Variants in SLC9A9 observed in about 807,000 individuals in gnomAD.
SLC9A9 encodes solute carrier family 9 member A9, also known as sodium/hydrogen exchanger 9.
In SLC9A9, 62 loss-of-function variants were observed where a neutral mutation model predicts 77.8. That is an observed-to-expected ratio of 0.80 (90% CI 0.65 to 0.98). SLC9A9 has a LOEUF of 0.98. Among genes scored for constraint, SLC9A9 ranks in the 50% least tolerant of loss-of-function variants. The probability of loss-of-function intolerance (pLI) is 0.00; values close to 1 mark genes in which losing one functional copy is unlikely to be tolerated. For missense variants in SLC9A9, 775 were observed against 774.9 expected (o/e 1.00, Z 0.00); for synonymous variants, 320 against 283.5 (o/e 1.13, Z -1.29).
intron 9 of SLC9A9, among the ~76,000 whole-genome samples, chr3:143,543,792 T>G (rs2036736341): frequency 6.6e-6 from 1 of 151,982 alleles, no homozygotes; most frequent in Non-Finnish European, 1.5e-5. Flanking sequence ...AGTCCACTGT[T>G]GATGGACACC....
chr3:143,429,924 A>C (rs903176756), intron 12 of SLC9A9, among the ~76,000 whole-genome samples: 1 of 152,186 alleles, frequency 6.6e-6, no homozygotes, highest in African/African-American at 2.4e-5. Flanking sequence ...CAAATTTGTT[A>C]CTTTACAGAT....
At chr3:143,753,391 C>T (rs893952000) in intron 4 of SLC9A9, among the ~76,000 whole-genome samples, 1 of 152,166 alleles carries the variant, frequency 6.6e-6, no homozygotes, top group African/African-American at 2.4e-5. Context: ...TTTCCCCATC[C>T]CCTATTTTTG....
chr3:143,704,740 C>A (rs1444884907), intron 4 of SLC9A9, among the ~76,000 whole-genome samples: 1 of 152,018 alleles, frequency 6.6e-6, no homozygotes, highest in Non-Finnish European at 1.5e-5. Context: ...TGCCTGTAAT[C>A]CCAGCACTTT....
Position 143,438,418 on chromosome 3 carries a change from C to T in SLC9A9, c.1469+28619G>A, listed in dbSNP as rs183029672. On this transcript the variant is annotated intron_variant, in intron 12 of 15. Transcript: ENST00000316549. ...GGAGACAGGTTCCATCAAGGATCTC[C>T]CTGGCGTGTGTGTGTGTGTTTGTGT... 3.2e-3 allele frequency among the ~76,000 whole-genome samples: 482 copies of T among 151,212 alleles called. 3 individuals carry two copies. The highest frequency in any genetic ancestry group is 6.6e-3 in the Admixed American group (99 of 15,092).
intron 12 of SLC9A9, among the ~76,000 whole-genome samples, chr3:143,429,396 G>A (rs907030515): frequency 1.3e-5 from 2 of 152,148 alleles, no homozygotes; most frequent in Admixed American, 6.5e-5. Context: ...TGTCATAATA[G>A]GACTGTGTGA....
intron 14 of SLC9A9, among the ~76,000 whole-genome samples, chr3:143,334,714 T>C (rs2031872576): frequency 6.6e-6 from 1 of 152,208 alleles, no homozygotes; most frequent in Non-Finnish European, 1.5e-5. Flanking sequence ...TTTTTTGTTG[T>C]AGAAGCCAAA....
At chr3:143,345,913 C>A (rs2032257949) in intron 14 of SLC9A9, among the ~76,000 whole-genome samples, 1 of 152,008 alleles carries the variant, frequency 6.6e-6, no homozygotes, top group African/African-American at 2.4e-5. Flanking sequence ...AACTGGAGTC[C>A]CTATCAGGTC....
At chr3:143,705,050 TAG>T (rs1560041007) in intron 4 of SLC9A9, among the ~76,000 whole-genome samples, 2,916 of 142,616 alleles carry the variant, frequency 0.02, 118 homozygotes, top group African/African-American at 0.074. Context: ...TATATAGATA[TAG>T]ATATAGATAT....
chr3:143,765,712 A>C lies in SLC9A9; in HGVS notation c.533+29289T>G, dbSNP rs540846111. On this transcript the variant is annotated intron_variant, in intron 4 of 15. Coordinates refer to ENST00000316549, the MANE Select transcript of SLC9A9 (RefSeq NM_173653.4). ...TTCAATATTACTTTCATTCATAATT[A>C]AGTTTTTATTCAGGATATATGGTGA... is the stretch of plus-strand genomic sequence containing the variant. 8.5e-5 allele frequency among the ~76,000 whole-genome samples: 13 copies of C among 152,276 alleles called. No homozygotes were observed. In the South Asian group the frequency reaches 2.7e-3, roughly 32 times the overall value.
At chr3:143,289,201 G>A (rs1449784656) in intron 14 of SLC9A9, among the ~76,000 whole-genome samples, 1 of 152,132 alleles carries the variant, frequency 6.6e-6, no homozygotes, top group Non-Finnish European at 1.5e-5. Context: ...CACCAGCTCT[G>A]TTGTGGGGCT....
chr3:143,596,037 T>A (rs1349481434), intron 6 of SLC9A9, among the ~76,000 whole-genome samples: 2 of 152,172 alleles, frequency 1.3e-5, no homozygotes, highest in African/African-American at 2.4e-5. Context: ...TTTTGCAATA[T>A]GTTTCCTATA....
At chr3:143,531,748 A>T (rs1232710258) in intron 9 of SLC9A9, among the ~76,000 whole-genome samples, 1 of 152,246 alleles carries the variant, frequency 6.6e-6, no homozygotes, top group Non-Finnish European at 1.5e-5. Context: ...TTAAAAAGCT[A>T]AAAACAAAAC....
rs146026339 is a variant in SLC9A9 at position 143,366,350 on chromosome 3, A to G, written c.1525-2787T>C. On this transcript the variant is annotated intron_variant, in intron 13 of 15. Transcript: ENST00000316549. ...GCACATAGGGATTTTAGAGAGTCCT[A>G]GAGAAGGAAAGAAGTGAGTTCAAAG... 2.7e-3 allele frequency among the ~76,000 whole-genome samples: 413 copies of G among 152,338 alleles called. 6 individuals are homozygous for G. Among genetic ancestry groups the G allele is most frequent in the African/African-American group, 9.7e-3 (403 of 41,570 alleles).
At chr3:143,731,990 T>C (rs1052575798) in intron 4 of SLC9A9, among the ~76,000 whole-genome samples, 3 of 152,226 alleles carry the variant, frequency 2.0e-5, no homozygotes, top group Admixed American at 2.0e-4. Context: ...CCTTGATGTC[T>C]TAGTCTGGTT....
intron 12 of SLC9A9, among the ~76,000 whole-genome samples, chr3:143,385,273 A>T (rs1247468521): frequency 2.6e-5 from 4 of 152,106 alleles, no homozygotes; most frequent in African/African-American, 9.7e-5. Flanking sequence ...CCTGACAGTC[A>T]AATTTATTTT....
At chr3:143,399,308 T>A (rs2033799409) in intron 12 of SLC9A9, among the ~76,000 whole-genome samples, 1 of 152,130 alleles carries the variant, frequency 6.6e-6, no homozygotes, top group South Asian at 2.1e-4. Context: ...AGAAAAATAA[T>A]GTTTTTCTCT....
intron 5 of SLC9A9, among the ~76,000 whole-genome samples, chr3:143,659,607 C>T (rs1295580252): frequency 6.6e-6 from 1 of 152,028 alleles, no homozygotes; most frequent in Non-Finnish European, 1.5e-5. Flanking sequence ...CAACACTGGG[C>T]CTGTGTGAGA....
At chr3:143,625,235 G>T (rs2038297010) in intron 6 of SLC9A9, among the ~76,000 whole-genome samples, 1 of 152,194 alleles carries the variant, frequency 6.6e-6, no homozygotes, top group Admixed American at 6.5e-5. Context: ...AGCTACCAAT[G>T]ACTTTCTTCA....
intron 4 of SLC9A9, among the ~76,000 whole-genome samples, chr3:143,767,698 C>A (rs146534151): frequency 1.1e-3 from 165 of 152,282 alleles, no homozygotes; most frequent in African/African-American, 3.9e-3. Flanking sequence ...TCCTTTACAA[C>A]ACAATTTTTT....
Sources: allele counts gnomAD v4.1 joint callset (sites outside exome capture counted in the v4.1 genomes callset), GRCh38; gene constraint gnomAD v4.1.1; transcripts MANE v1.5; gene names NCBI Gene and HGNC (gene_info 2026-07-23, HGNC 2026-07-21).